TBX15: variants seen among roughly 807,000 people sequenced by gnomAD.
The protein encoded by TBX15 is T-box transcription factor 15, also known as T-box transcription factor TBX15.
TBX15 carries 18 observed loss-of-function variants against 53.9 expected under a neutral mutation model. The observed-to-expected ratio is 0.33, with a 90% CI of 0.23 to 0.49. The LOEUF (loss-of-function observed/expected upper bound fraction) is 0.49, where lower values mean the gene tolerates loss of function less well. Ranked by LOEUF, TBX15 falls within the 20% of genes least tolerant of loss-of-function variation. TBX15 has a pLI of 0.98. For missense variants in TBX15, 692 were observed against 749.5 expected, an observed-to-expected ratio of 0.92 and a Z score of 0.90; for synonymous variants, 295 against 278.0, an observed-to-expected ratio of 1.06 and a Z score of -0.61.
intron 1 of TBX15, among the ~76,000 whole-genome samples, chr1:118,945,123 C>T (rs1404224333): frequency 1.3e-5 from 2 of 152,104 alleles, no homozygotes; most frequent in African/African-American, 4.8e-5. Flanking sequence ...GTACTCTGTT[C>T]ATGGACTATT....
chr1:118,922,876 A>C (rs1655468525), intron 5 of TBX15, among the ~76,000 whole-genome samples: 2 of 152,190 alleles, frequency 1.3e-5, no homozygotes, highest in African/African-American at 4.8e-5. Context: ...TCAGTGTTCT[A>C]CAAAGTAAAT....
chr1:118,970,860 C>T (rs751238455), intron 1 of TBX15, among the ~76,000 whole-genome samples: 1 of 152,164 alleles, frequency 6.6e-6, no homozygotes, highest in Admixed American at 6.5e-5. Flanking sequence ...GCTGGGATCT[C>T]CTGTCAGTTC....
chr1:118,905,782 T>C (rs1175286729), intron 6 of TBX15, among the ~76,000 whole-genome samples: 3 of 152,188 alleles, frequency 2.0e-5, no homozygotes, highest in Admixed American at 6.5e-5. Context: ...AATGAAAATA[T>C]AGAAATTGAA....
intron 5 of TBX15, among the ~76,000 whole-genome samples, chr1:118,916,590 G>A (rs565280342): frequency 6.9e-4 from 105 of 152,262 alleles, no homozygotes; most frequent in Non-Finnish European, 1.1e-3. Context: ...GAGGCCAAGC[G>A]TGGTGGCTCA....
intron 1 of TBX15, among the ~76,000 whole-genome samples, chr1:118,936,187 T>G (rs1655960285): frequency 6.6e-6 from 1 of 152,196 alleles, no homozygotes; most frequent in African/African-American, 2.4e-5. Context: ...CCCTTTTAAC[T>G]TGAATGTCTA....
In TBX15 at chr1:118,926,502, A is replaced by G; in HGVS notation, c.521+8T>C. The G allele has an allele frequency of 2.5e-6, 4 of 1,610,650 alleles. No homozygotes were observed. The South Asian group carries it at 4.4e-5, about 18-fold the overall frequency. ...ACCCACATTTCCACATCCCAGAGTT[A>G]TTGTTACCTGTATCTTTTATTGTCC... On this transcript the variant is annotated splice_region_variant and intron_variant, in intron 3 of 7. Coordinates refer to ENST00000369429, the MANE Select transcript of TBX15 (RefSeq NM_001330677.2).
intron 6 of TBX15, among the ~76,000 whole-genome samples, chr1:118,900,935 T>C (rs1298526337): frequency 6.6e-6 from 1 of 152,156 alleles, no homozygotes; most frequent in East Asian, 1.9e-4. Flanking sequence ...TTGTTCCACC[T>C]CCTAGTTCAT....
In TBX15 at chr1:118,922,692, T is replaced by C. The variant is rs538936305; in HGVS notation, c.861+744A>G. 1.4e-4 allele frequency among the ~76,000 whole-genome samples: 22 copies of C among 152,346 alleles called. No individual in the cohort carries two copies. The South Asian group carries it at 4.6e-3, about 32-fold the overall frequency. ...CTATGAGTAGAATGTACTCATGTGC[T>C]AGAACACTGTCTATAAAAGAAGGTA... On this transcript the variant is annotated intron_variant, in intron 5 of 7. Coordinates refer to ENST00000369429, the MANE Select transcript of TBX15 (RefSeq NM_001330677.2).
At chr1:118,905,631 A>G (rs1487899994) in intron 6 of TBX15, among the ~76,000 whole-genome samples, 1 of 152,194 alleles carries the variant, frequency 6.6e-6, no homozygotes. Flanking sequence ...GATTACTTCC[A>G]TAGATCTGCT....
chr1:118,986,226 G>T (rs1415538213), intron 1 of TBX15, among the ~76,000 whole-genome samples: 1 of 152,224 alleles, frequency 6.6e-6, no homozygotes, highest in Non-Finnish European at 1.5e-5. Context: ...TCTGGCCAGC[G>T]AAGGGAAACA....
At chr1:118,906,621 C>T (rs1047845653) in intron 6 of TBX15, among the ~76,000 whole-genome samples, 12 of 152,140 alleles carry the variant, frequency 7.9e-5, no homozygotes, top group African/African-American at 2.4e-4. Context: ...TCTTTACTCC[C>T]AGATATTTTC....
chr1:118,955,654 C>T (rs1656664907), intron 1 of TBX15, among the ~76,000 whole-genome samples: 1 of 152,170 alleles, frequency 6.6e-6, no homozygotes, highest in Non-Finnish European at 1.5e-5. Flanking sequence ...AGTAAGAACT[C>T]CCTGCTCTAG....
chr1:118,921,568 A>G (rs1314161752), intron 5 of TBX15, among the ~76,000 whole-genome samples: 1 of 152,210 alleles, frequency 6.6e-6, no homozygotes, highest in Non-Finnish European at 1.5e-5. Context: ...AAAATACACA[A>G]CTTGCTCAGA....
intron 1 of TBX15, among the ~76,000 whole-genome samples, chr1:118,977,783 A>G (rs2101048467): frequency 6.6e-6 from 1 of 152,338 alleles, no homozygotes; most frequent in South Asian, 2.1e-4. Context: ...TATCTTGTTG[A>G]CAAGCGTTTT....
intron 6 of TBX15, among the ~76,000 whole-genome samples, chr1:118,900,477 G>GGCCTCT (rs1272719536): frequency 6.6e-6 from 1 of 152,136 alleles, no homozygotes; most frequent in Non-Finnish European, 1.5e-5. Flanking sequence ...TCTTTGTGTT[G>GGCCTCT]GAAAATTTCC....
At position 118,884,679 on chromosome 1, in the gene TBX15, C is replaced by T; in HGVS notation, c.*53G>A. On this transcript the variant is annotated 3_prime_UTR_variant, in exon 8 of 8. Coordinates refer to ENST00000369429, the MANE Select transcript of TBX15 (RefSeq NM_001330677.2). ...ACTCCCAAAGAGGAGGATCTGACCACGGAGACTCTGGGGCCTTGATTGCCA... is the reference window on the plus strand; with the variant it reads ...ACTCCCAAAGAGGAGGATCTGACCATGGAGACTCTGGGGCCTTGATTGCCA... 12 of 1,609,836 alleles carry T rather than the reference C, an allele frequency of 7.5e-6. No individual in the cohort carries two copies. In the South Asian group the frequency reaches 9.9e-5, roughly 13 times the overall value.
intron 1 of TBX15, among the ~76,000 whole-genome samples, chr1:118,959,330 C>A (rs1343842878): frequency 6.6e-6 from 1 of 152,148 alleles, no homozygotes; most frequent in Non-Finnish European, 1.5e-5. Flanking sequence ...CAAGAGAGAC[C>A]ATCAGCTCTC....
At chr1:118,923,676 T>A (rs1352490546) in intron 4 of TBX15, 73 bp from the exon 5 acceptor site, 3 of 1,572,962 alleles carry the variant, frequency 1.9e-6, no homozygotes, top group South Asian at 1.1e-5. Flanking sequence ...CAAAAATAAA[T>A]CACTAAGTTG....
At chr1:118,952,363 G>A (rs1656542772) in intron 1 of TBX15, among the ~76,000 whole-genome samples, 1 of 152,050 alleles carries the variant, frequency 6.6e-6, no homozygotes, top group African/African-American at 2.4e-5. Context: ...TAGGGAGTCA[G>A]CACCACAACC....
Sources: gnomAD v4.1 joint callset for allele counts (sites outside exome capture counted in the v4.1 genomes callset) on GRCh38, gnomAD v4.1.1 for gene constraint, MANE v1.5 for transcripts, NCBI Gene and HGNC (gene_info 2026-07-23, HGNC 2026-07-21) for gene names.